The following PTK2 variants were observed in gnomAD, a reference collection of about 807,000 sequenced individuals.
PTK2 encodes protein tyrosine kinase 2.
PTK2 carries 45 observed loss-of-function variants against 150.1 expected under a neutral mutation model. That is an observed-to-expected ratio of 0.30 (90% CI 0.24 to 0.38). The LOEUF (loss-of-function observed/expected upper bound fraction) is 0.38. Among genes scored for constraint, PTK2 ranks in the 10% least tolerant of loss-of-function variants. The pLI, the probability that PTK2 is intolerant of heterozygous loss-of-function variation, is 1.00. For missense variants in PTK2, 919 were observed against 1,307.3 expected, an observed-to-expected ratio of 0.70 and a Z score of 4.58; for synonymous variants, 432 against 449.2, an observed-to-expected ratio of 0.96 and a Z score of 0.48.
chr8:140,761,863 G>A (rs2100069620), intron 15 of PTK2, among the ~76,000 whole-genome samples: 1 of 152,056 alleles, frequency 6.6e-6, no homozygotes, highest in Admixed American at 6.5e-5. Context: ...AAGGTTGGAT[G>A]TATCAACATT....
intron 31 of PTK2, among the ~76,000 whole-genome samples, chr8:140,661,908 T>C (rs539170942): frequency 6.6e-6 from 1 of 152,308 alleles, no homozygotes; most frequent in African/African-American, 2.4e-5. Flanking sequence ...CCATCAGGGA[T>C]GGGCTGCTCT....
exon 32 of PTK2, chr8:140,659,395 T>C: frequency 7.2e-6 from 10 of 1,396,262 alleles, no homozygotes; most frequent in Non-Finnish European, 9.9e-6. Context: ...ACAGGGTTAA[T>C]TCCTCGCTGC....
At chr8:140,686,776 T>G (rs750790379) in intron 26 of PTK2, 82 bp from the exon 30 acceptor site, 1 of 1,184,346 alleles carries the variant, frequency 8.4e-7, no homozygotes, top group Non-Finnish European at 1.2e-6. Context: ...ATTCCTTCCT[T>G]TTTAACACAA....
intron 10 of PTK2, among the ~76,000 whole-genome samples, chr8:140,816,529 T>G (rs1216376945): frequency 6.6e-6 from 1 of 151,970 alleles, no homozygotes; most frequent in Non-Finnish European, 1.5e-5. Context: ...AACAAGAGAT[T>G]TGGGGAAAAA....
intron 22 of PTK2, among the ~76,000 whole-genome samples, chr8:140,729,590 T>C (rs971750784): frequency 3.3e-5 from 5 of 152,224 alleles, no homozygotes; most frequent in African/African-American, 7.2e-5. Context: ...ATGCTGCCAT[T>C]CCTTTTAAGG....
intron 24 of PTK2, among the ~76,000 whole-genome samples, chr8:140,704,893 T>C (rs548643361): frequency 6.6e-6 from 1 of 152,270 alleles, no homozygotes; most frequent in Admixed American, 6.5e-5. Flanking sequence ...CCTAGAATAG[T>C]ACCAGGCAGA....
chr8:140,833,095 A>C, intron 7 of PTK2: 1 of 518,484 alleles, frequency 1.9e-6, no homozygotes, highest in Non-Finnish European at 3.9e-6. Flanking sequence ...TTCAAGAAAA[A>C]TGAAAGGAAG....
intron 1 of PTK2, among the ~76,000 whole-genome samples, chr8:140,933,190 G>C (rs1569155696): frequency 1.4e-5 from 2 of 140,916 alleles, no homozygotes; most frequent in African/African-American, 5.2e-5. Context: ...CAACAGTAAT[G>C]AAAAAAAAAA....
At chr8:140,759,674 TAG>T (rs1049665282) in intron 16 of PTK2, among the ~76,000 whole-genome samples, 9 of 149,466 alleles carry the variant, frequency 6.0e-5, no homozygotes, top group African/African-American at 2.2e-4. Flanking sequence ...TTGGAAAATG[TAG>T]AGAGACGCTG....
intron 31 of PTK2, among the ~76,000 whole-genome samples, chr8:140,663,750 T>G (rs1396885391): frequency 6.6e-6 from 1 of 152,190 alleles, no homozygotes; most frequent in Non-Finnish European, 1.5e-5. Flanking sequence ...CCTAGCTCAC[T>G]GTAGCCTGAA....
chr8:140,708,602 A>T (rs11776239), intron 23 of PTK2, among the ~76,000 whole-genome samples: 63,326 of 151,806 alleles, frequency 0.42, 13,954 homozygotes, highest in Non-Finnish European at 0.5. Context: ...GTGTTCCAGA[A>T]AGAGTCTACT....
chr8:140,712,330 C>A (rs1193175393), intron 23 of PTK2, among the ~76,000 whole-genome samples: 1 of 152,148 alleles, frequency 6.6e-6, no homozygotes, highest in Non-Finnish European at 1.5e-5. Flanking sequence ...TCTGTTTCTG[C>A]AGTCTTACGA....
At chr8:140,935,978 T>G (rs2100173482) in intron 1 of PTK2, among the ~76,000 whole-genome samples, 1 of 152,062 alleles carries the variant, frequency 6.6e-6, no homozygotes, top group Non-Finnish European at 1.5e-5. Flanking sequence ...GATCAGAGCC[T>G]AGGCAACAAA....
At chr8:140,883,719 T>A (rs921686605) in intron 3 of PTK2, among the ~76,000 whole-genome samples, 9 of 152,002 alleles carry the variant, frequency 5.9e-5, no homozygotes, top group African/African-American at 2.2e-4. Context: ...AAACTAGGAG[T>A]CCTTCTAAAA....
intron 1 of PTK2, among the ~76,000 whole-genome samples, chr8:140,979,719 T>C (rs1395297358): frequency 2.0e-5 from 3 of 152,180 alleles, no homozygotes; most frequent in Non-Finnish European, 4.4e-5. Flanking sequence ...AGGCGGGCTC[T>C]TTCCCGTGAT....
intron 10 of PTK2, among the ~76,000 whole-genome samples, chr8:140,812,542 C>A (rs774416654): frequency 7.2e-5 from 11 of 152,176 alleles, no homozygotes; most frequent in Non-Finnish European, 1.3e-4. Flanking sequence ...CATATCAATA[C>A]TAACCTTGAA....
At chr8:140,873,430 G>A (rs4074812) in intron 4 of PTK2, among the ~76,000 whole-genome samples, 62,630 of 151,918 alleles carry the variant, frequency 0.41, 15,008 homozygotes, top group Non-Finnish European at 0.55. Flanking sequence ...ACATCTTCAT[G>A]TCTCTTGTGT....
chr8:140,729,923 C>T (rs1174281307), intron 22 of PTK2, among the ~76,000 whole-genome samples: 1 of 152,162 alleles, frequency 6.6e-6, no homozygotes, highest in Admixed American at 6.5e-5. Flanking sequence ...ACTACCTATA[C>T]GTAGTATGCC....
intron 24 of PTK2, 70 bp downstream of exon 27, chr8:140,706,049 A>G: frequency 7.9e-7 from 1 of 1,264,284 alleles, no homozygotes; most frequent in Non-Finnish European, 1.1e-6. Flanking sequence ...AATATGCACA[A>G]TGTACCGCTC....
Sources: gnomAD v4.1 joint callset for allele counts (sites outside exome capture counted in the v4.1 genomes callset) on GRCh38, gnomAD v4.1.1 for gene constraint, MANE v1.5 for transcripts, NCBI Gene and HGNC (gene_info 2026-07-23, HGNC 2026-07-21) for gene names.